RAB4A: variants seen among roughly 807,000 people sequenced by gnomAD.
RAB4A encodes ras-related protein Rab-4A.
RAB4A carries 20 observed loss-of-function variants against 34.5 expected under a neutral mutation model. That is an observed-to-expected ratio of 0.58 (90% CI 0.41 to 0.84). The LOEUF (loss-of-function observed/expected upper bound fraction) is 0.84, where lower values mean the gene tolerates loss of function less well. Among genes scored for constraint, RAB4A ranks in the 40% least tolerant of loss-of-function variants. The pLI is 0.00. For synonymous variants in RAB4A, 102 were observed against 100.0 expected (o/e 1.02, Z -0.12); for missense variants, 228 against 274.5 (o/e 0.83, Z 1.20).
In RAB4A at chr1:229,299,040, G is replaced by A; in HGVS notation, c.509G>A (p.Cys170Tyr). ...AATGTAGAAGAGGCTTTTGTACAGT[G>A]TGCAAGAAAAATACTTAACAAAATC... ...GENVEEAFVQ[C>Y]ARKILNKIES... The change falls in exon 6 of 8, where the codon TGT becomes TAT. Residue 170 changes from cysteine (C) to tyrosine (Y), a missense_variant. Coordinates refer to ENST00000366690, the MANE Select transcript of RAB4A (RefSeq NM_004578.4). 3 of 1,606,756 alleles carry A rather than the reference G, an allele frequency of 1.9e-6. No individual in the cohort carries two copies. Among genetic ancestry groups the A allele is most frequent in the Non-Finnish European group, 2.5e-6 (3 of 1,178,364 alleles).
chr1:229,285,011 T>C (rs569109082), intron 1 of RAB4A, among the ~76,000 whole-genome samples: 2 of 152,232 alleles, frequency 1.3e-5, no homozygotes, highest in African/African-American at 4.8e-5. Context: ...ACCTATCCAT[T>C]GAATAATTAG....
chr1:229,302,764 C>T, intron 6 of RAB4A, 98 bp from the exon 7 acceptor site: 1 of 795,360 alleles, frequency 1.3e-6, no homozygotes, highest in Non-Finnish European at 2.0e-6. Context: ...GGGATATATA[C>T]ACAGTGTTCT....
chr1:229,304,116 A>G lies in RAB4A; in HGVS notation c.*323A>G, dbSNP rs531025753. The stretch of plus-strand genomic sequence containing the variant: ...TCCACAGCATGGAATCTGATGTATG[A>G]TATGATAGAATGTGGCACTAAATGC... On this transcript the variant is annotated 3_prime_UTR_variant, in exon 8 of 8. Transcript: ENST00000366690. 6.6e-6 allele frequency: 1 copy of G among 152,308 alleles called. No homozygotes were observed. Among genetic ancestry groups the G allele is most frequent in the African/African-American group, 2.4e-5 (1 of 41,562 alleles). 9.4% of individuals were successfully genotyped at this position (152,308 alleles called of 1,614,324 possible).
intron 3 of RAB4A, 152 bp from the exon 4 acceptor site, chr1:229,295,696 T>G (rs1657234264): frequency 1.3e-5 from 9 of 697,312 alleles, no homozygotes; most frequent in Non-Finnish European, 2.2e-5. Context: ...CTCACATGTA[T>G]GTTCAAATAT....
At position 229,305,012 on chromosome 1, in the gene RAB4A, A is replaced by G. The variant is rs947370127; in HGVS notation, c.*1219A>G. On this transcript the variant is annotated 3_prime_UTR_variant, in exon 8 of 8. Coordinates refer to ENST00000366690, the MANE Select transcript of RAB4A (RefSeq NM_004578.4). Reference sequence around the variant, plus strand: ...TTAAAAAGCTTTCTTCACCTTATATATGTTCTTCCACTGTGACTTTTTAGT... The same window carrying G: ...TTAAAAAGCTTTCTTCACCTTATATGTGTTCTTCCACTGTGACTTTTTAGT... The G allele has an allele frequency of 5.3e-6, 6 of 1,141,270 alleles. No individual in the cohort carries two copies. The highest frequency in any genetic ancestry group is 8.0e-5 in the Admixed American group (2 of 24,942). 70.7% of individuals were successfully genotyped at this position (1,141,270 alleles called of 1,614,324 possible).
chr1:229,296,719 TC>T (rs1257370994), intron 4 of RAB4A, among the ~76,000 whole-genome samples: 2 of 152,140 alleles, frequency 1.3e-5, no homozygotes, highest in African/African-American at 4.8e-5. Context: ...AGCAGCCGCT[TC>T]CCTCTTCCAA....
chr1:229,302,780 T>C, intron 6 of RAB4A, 82 bp from the exon 7 acceptor site: 1 of 1,017,282 alleles, frequency 9.8e-7, no homozygotes, highest in Non-Finnish European at 1.5e-6. Context: ...GTTCTGTACT[T>C]TGCTTTTTTT....
In RAB4A at chr1:229,286,498, A is replaced by T; in HGVS notation, c.44A>T (p.Lys15Met). The part of the protein sequence containing the change: ...AMSETYDFLF[K>M]FLVIGNAGTG... ...TTTTATCTTTCAGATTTTTTGTTTA[A>T]GTTCTTGGTTATTGGAAATGCAGGA... is the stretch of plus-strand genomic sequence containing the variant. The change falls in exon 2 of 8, where the codon AAG becomes ATG. Residue 15 changes from lysine to methionine, a missense_variant. Lys to Met is a moderately conservative substitution (Grantham distance 95). Coordinates refer to ENST00000366690, the MANE Select transcript of RAB4A (RefSeq NM_004578.4). 1 of 1,574,922 alleles carries T rather than the reference A, an allele frequency of 6.3e-7. No homozygotes were observed. Among genetic ancestry groups the T allele is most frequent in the Non-Finnish European group, 8.6e-7 (1 of 1,160,464 alleles).
chr1:229,299,155 A>G (rs1169292579), intron 6 of RAB4A, 83 bp downstream of exon 6: 2 of 941,690 alleles, frequency 2.1e-6, no homozygotes, highest in Non-Finnish European at 3.2e-6. Flanking sequence ...TAATAGTTTC[A>G]GGGTGATTTA....
At chr1:229,272,288 T>C (rs1016816794) in intron 1 of RAB4A, among the ~76,000 whole-genome samples, 1 of 152,152 alleles carries the variant, frequency 6.6e-6, no homozygotes, top group African/African-American at 2.4e-5. Flanking sequence ...AGAGAGAGGC[T>C]CAAGTTCAAA....
chr1:229,290,374 G>A (rs1239312769), intron 3 of RAB4A, among the ~76,000 whole-genome samples: 2 of 152,166 alleles, frequency 1.3e-5, no homozygotes, highest in African/African-American at 2.4e-5. Flanking sequence ...CTGGTCGCTG[G>A]CAGCCAGGTG....
At chr1:229,276,806 A>G (rs1241915621) in intron 1 of RAB4A, among the ~76,000 whole-genome samples, 1 of 150,892 alleles carries the variant, frequency 6.6e-6, no homozygotes, top group Non-Finnish European at 1.5e-5. Flanking sequence ...GTTTCATTCC[A>G]AAGTTCTTCG....
At chr1:229,298,579 T>C (rs1015497400) in intron 5 of RAB4A, among the ~76,000 whole-genome samples, 2 of 152,210 alleles carry the variant, frequency 1.3e-5, no homozygotes, top group African/African-American at 4.8e-5. Context: ...CCCTAAAAAG[T>C]GTAAACACTT....
At position 229,284,741 on chromosome 1, in the gene RAB4A, T is replaced by C. The variant is rs570691724; in HGVS notation, c.32-1745T>C. Among the ~76,000 whole-genome samples the C allele has an allele frequency of 1.6e-4, 25 of 152,356 alleles. 1 individual carries two copies. In the South Asian group the frequency reaches 5.2e-3, roughly 32 times the overall value. On this transcript the variant is annotated intron_variant, in intron 1 of 7. Coordinates refer to ENST00000366690, the MANE Select transcript of RAB4A (RefSeq NM_004578.4). ...TCTCATGGTTCAGAGTTATTTTTTA[T>C]TTGAACAATCCTTTAATTTTAATTC...
intron 1 of RAB4A, among the ~76,000 whole-genome samples, chr1:229,272,594 G>T (rs1192848374): frequency 1.3e-5 from 2 of 152,212 alleles, no homozygotes; most frequent in South Asian, 4.1e-4. Flanking sequence ...CCAGACAGGG[G>T]TGTCAGGGAG....
At chr1:229,296,795 A>G (rs573457049) in intron 4 of RAB4A, among the ~76,000 whole-genome samples, 1 of 152,236 alleles carries the variant, frequency 6.6e-6, no homozygotes. Context: ...CCCTTCCTGC[A>G]CTTGCCCAGG....
chr1:229,284,843 C>T (rs543936067), intron 1 of RAB4A, among the ~76,000 whole-genome samples: 2 of 152,072 alleles, frequency 1.3e-5, no homozygotes, highest in South Asian at 4.2e-4. Flanking sequence ...TTTCAAAATT[C>T]CTGTTAGATC....
intron 1 of RAB4A, among the ~76,000 whole-genome samples, chr1:229,277,975 G>A (rs780933738): frequency 6.6e-6 from 1 of 150,850 alleles, no homozygotes; most frequent in Non-Finnish European, 1.5e-5. Context: ...AGTGATTCTC[G>A]TGCCTCAGCC....
intron 3 of RAB4A, among the ~76,000 whole-genome samples, chr1:229,290,854 A>C (rs1023137819): frequency 6.6e-6 from 1 of 152,230 alleles, no homozygotes; most frequent in Admixed American, 6.5e-5. Flanking sequence ...TGCAATGACT[A>C]TTAGGAGTTC....
Sources: allele counts gnomAD v4.1 joint callset (sites outside exome capture counted in the v4.1 genomes callset), GRCh38; gene constraint gnomAD v4.1.1; transcripts MANE v1.5; gene names NCBI Gene and HGNC (gene_info 2026-07-23, HGNC 2026-07-21).